LBHD1: variants seen among roughly 807,000 people sequenced by gnomAD.
The protein encoded by LBHD1 is LBH domain containing 1.
Under a neutral mutation model 31.1 loss-of-function variants are expected in LBHD1, and 28 were observed. The ratio of observed to expected loss-of-function variants is 0.90; its 90% CI spans 0.67 to 1.24. The LOEUF (loss-of-function observed/expected upper bound fraction) is 1.24, where lower values mean the gene tolerates loss of function less well. LBHD1 is among the 50% of genes most tolerant of loss of function. The probability of loss-of-function intolerance (pLI) is 0.00; values close to 1 mark genes in which losing one functional copy is unlikely to be tolerated. For synonymous variants in LBHD1, 105 were observed against 116.5 expected, an observed-to-expected ratio of 0.90 and a Z score of 0.63; for missense variants, 350 against 323.0, an observed-to-expected ratio of 1.08 and a Z score of -0.64.
In LBHD1 at chr11:62,662,997, A is replaced by C; in HGVS notation, c.*132T>G. 7.2e-7 allele frequency: 1 copy of C among 1,394,452 alleles called. No homozygotes were observed. The highest frequency in any genetic ancestry group is 1.0e-6 in the Non-Finnish European group (1 of 1,004,366). 86.4% of individuals were successfully genotyped at this position (1,394,452 alleles called of 1,614,324 possible). A position where few individuals can be genotyped will look rare whatever the true frequency, so the allele number is the denominator to read the frequency against. ...TGCTTTTGTCAAAGTCCTCTGAAAC[A>C]ACCACTGAGTCTGAAGGCTGGCTCC... On this transcript the variant is annotated 3_prime_UTR_variant, in exon 7 of 7. Transcript: ENST00000354588.
intron 3 of LBHD1, chr11:62,668,480 C>CA (rs974530699): frequency 0.31 from 18,409 of 58,962 alleles, 2,522 homozygotes; most frequent in Non-Finnish European, 0.38. Context: ...GACTCTGTCT[C>CA]AAAAAAAAAA....
intron 4 of LBHD1, chr11:62,665,962 CAG>C: frequency 6.3e-7 from 1 of 1,599,772 alleles, no homozygotes; most frequent in Non-Finnish European, 8.5e-7. Flanking sequence ...GAGGTGGGGG[CAG>C]AGTGGAGAGG....
At chr11:62,665,445 G>C (rs1391735377) in intron 4 of LBHD1, 1 of 1,560,748 alleles carries the variant, frequency 6.4e-7, no homozygotes, top group East Asian at 2.3e-5. Context: ...GCGGGGATCG[G>C]GCTTGTGGTG....
At chr11:62,665,003 G>A (rs766838791) in intron 4 of LBHD1, 30 bp from the exon 5 acceptor site, 4 of 1,605,286 alleles carry the variant, frequency 2.5e-6, no homozygotes, top group African/African-American at 2.7e-5. Context: ...GAATCAGATG[G>A]AGTGGGCTCG....
In LBHD1 at chr11:62,667,516, T is replaced by C; in HGVS notation, c.538+7A>G. 6.2e-7 allele frequency: 1 copy of C among 1,609,852 alleles called. No homozygotes were observed. The highest frequency in any genetic ancestry group is 8.5e-7 in the Non-Finnish European group (1 of 1,176,142). On this transcript the variant is annotated splice_region_variant and intron_variant, in intron 4 of 6. Transcript: ENST00000354588. ...GAGATATTTGAGGGGGAGGGAACAA[T>C]ACTTACCCTCAAAGCTATTAGGAGG...
chr11:62,665,411 G>A, intron 4 of LBHD1: 1 of 1,423,984 alleles, frequency 7.0e-7, no homozygotes, highest in South Asian at 1.2e-5. Context: ...CTCTGGGCGG[G>A]GTCTCAGGAC....
intron 1 of LBHD1, chr11:62,671,339 T>C (rs186681222): frequency 3.6e-5 from 41 of 1,135,742 alleles, no homozygotes; most frequent in Non-Finnish European, 4.0e-5. Context: ...ATGCGCTGTG[T>C]TGAAAACGCG....
At chr11:62,665,489 G>C in intron 4 of LBHD1, 1 of 1,576,090 alleles carries the variant, frequency 6.3e-7, no homozygotes, top group East Asian at 2.3e-5. Context: ...AAGAGGGAAA[G>C]GGCTCTGGCC....
chr11:62,663,188 C>G, intron 6 of LBHD1, 29 bp from the exon 7 acceptor site: 1 of 1,613,758 alleles, frequency 6.2e-7, no homozygotes, highest in Non-Finnish European at 8.5e-7. Flanking sequence ...GAAGTATTAT[C>G]CCAAATAAAT....
chr11:62,670,339 A>G (rs571755908), intron 1 of LBHD1: 1 of 372,888 alleles, frequency 2.7e-6, no homozygotes, highest in South Asian at 7.0e-5. Flanking sequence ...ATGCTTACTG[A>G]TTTTTCCCAA....
chr11:62,665,010 C>G, intron 4 of LBHD1, 37 bp from the exon 5 acceptor site: 7 of 1,603,594 alleles, frequency 4.4e-6, no homozygotes, highest in Non-Finnish European at 5.9e-6. Context: ...ATGGAGTGGG[C>G]TCGCCGCGAC....
chr11:62,671,685 C>T lies in LBHD1; in HGVS notation c.-132G>A. On this transcript the variant is annotated 5_prime_UTR_variant, in exon 1 of 7. Coordinates refer to ENST00000354588, the MANE Select transcript of LBHD1 (RefSeq NM_024099.5). ...TGCGCCAAGGGGTAGTGAGACCGCGCGGCAACAGCTTGCGGCTGCGGGGAG... is the reference window on the plus strand; with the variant it reads ...TGCGCCAAGGGGTAGTGAGACCGCGTGGCAACAGCTTGCGGCTGCGGGGAG... 1.9e-6 allele frequency: 3 copies of T among 1,598,434 alleles called. No individual in the cohort carries two copies. Among genetic ancestry groups the T allele is most frequent in the East Asian group, 2.2e-5 (1 of 44,690 alleles).
intron 4 of LBHD1, chr11:62,665,281 CTATA>C: frequency 1.4e-6 from 1 of 737,340 alleles, no homozygotes; most frequent in Admixed American, 2.2e-5. Flanking sequence ...GGTCCTCGGG[CTATA>C]TAAAGGAGCT....
chr11:62,667,697 C>G lies in LBHD1; in HGVS notation c.364G>C (p.Ala122Pro). 1.2e-6 allele frequency: 2 copies of G among 1,614,092 alleles called. No homozygotes were observed. Among genetic ancestry groups the G allele is most frequent in the Non-Finnish European group, 1.7e-6 (2 of 1,179,976 alleles). Residue 122 changes from alanine (A) to proline (P), a missense_variant, in exon 4 of 7, where the codon GCT becomes CCT. Transcript: ENST00000354588. Reference sequence around the variant, plus strand: ...TGGTCCTGCCCCCAGCTGAGTCCAGCGTTAAATGTTCTTAAAGGACTTCTA... The same window carrying G: ...TGGTCCTGCCCCCAGCTGAGTCCAGGGTTAAATGTTCTTAAAGGACTTCTA... ...DPRSPLRTFN[A>P]GLSWGQDQDE...
intron 4 of LBHD1, 150 bp from the exon 5 acceptor site, chr11:62,665,123 A>G (rs1293472225): frequency 7.6e-6 from 9 of 1,178,652 alleles, no homozygotes; most frequent in Non-Finnish European, 1.1e-5. Flanking sequence ...CGGCCCCCAC[A>G]CAGTCACCGT....
chr11:62,667,119 A>AAG, intron 4 of LBHD1: 1 of 1,463,594 alleles, frequency 6.8e-7, no homozygotes, highest in South Asian at 1.4e-5. Flanking sequence ...CTGTCTTTGC[A>AAG]AGCTATCTGG....
At position 62,665,672 on chromosome 11, in the gene LBHD1, C is replaced by G. The variant is rs866507432; in HGVS notation, c.539-699G>C. 3.5e-5 allele frequency: 52 copies of G among 1,465,456 alleles called. 1 individual carries two copies. In the Middle Eastern group the frequency reaches 1.1e-3, roughly 31 times the overall value. 90.8% of individuals were successfully genotyped at this position (1,465,456 alleles called of 1,614,324 possible). On this transcript the variant is annotated intron_variant, in intron 4 of 6. Coordinates refer to ENST00000354588, the MANE Select transcript of LBHD1 (RefSeq NM_024099.5). ...GTCTGCGGACGCTGTATACCCTCCT[C>G]CACTTCCCGCTGCAGCCAATAAAGG...
intron 4 of LBHD1, chr11:62,666,158 G>A (rs1335601272): frequency 2.8e-6 from 2 of 710,524 alleles, no homozygotes; most frequent in East Asian, 5.4e-5. Flanking sequence ...ACCAACCTAG[G>A]GCAACATAGC....
chr11:62,669,777 C>A lies in LBHD1; in HGVS notation c.177G>T (p.Pro59=). 1 of 1,614,194 alleles carries A rather than the reference C, an allele frequency of 6.2e-7. No homozygotes were observed. Among genetic ancestry groups the A allele is most frequent in the Non-Finnish European group, 8.5e-7 (1 of 1,180,034 alleles). The change falls in exon 3 of 7, where the codon CCG becomes CCT. Residue 59 remains proline (P), a synonymous_variant. Coordinates refer to ENST00000354588, the MANE Select transcript of LBHD1 (RefSeq NM_024099.5). ...CCTCACTGGATTCCACCACAATAGA[C>A]GGCAGATGGGACTTTTGAGAGAAAT... ...IQDFSQKSHL[P]SIVVESSEVN...
Sources: gnomAD v4.1 joint callset for allele counts on GRCh38, gnomAD v4.1.1 for gene constraint, MANE v1.5 for transcripts, NCBI Gene and HGNC (gene_info 2026-07-23, HGNC 2026-07-21) for gene names.